TMEM132D: variants seen among roughly 807,000 people sequenced by gnomAD.
TMEM132D encodes transmembrane protein 132D.
Under a neutral mutation model 62.3 loss-of-function variants are expected in TMEM132D, and 21 were observed. The ratio of observed to expected loss-of-function variants is 0.34; its 90% CI spans 0.24 to 0.49. The LOEUF (loss-of-function observed/expected upper bound fraction) is 0.49. Ranked by LOEUF, TMEM132D falls within the 20% of genes least tolerant of loss-of-function variation. TMEM132D has a pLI of 0.99. For synonymous variants in TMEM132D, 621 were observed against 575.6 expected (o/e 1.08, Z -1.13); for missense variants, 1,346 against 1,402.8 (o/e 0.96, Z 0.65).
At position 129,228,671 on chromosome 12, in the gene TMEM132D, C is replaced by T. The variant is rs112600601; in HGVS notation, c.1300-19008G>A. Among the ~76,000 whole-genome samples the T allele has an allele frequency of 7.3e-4, 111 of 152,266 alleles. 1 individual carries two copies. Among genetic ancestry groups the T allele is most frequent in the African/African-American group, 2.6e-3 (107 of 41,556 alleles). On this transcript the variant is annotated intron_variant, in intron 4 of 8. Coordinates refer to ENST00000422113, the MANE Select transcript of TMEM132D (RefSeq NM_133448.3). ...TACTGTGATGCCATCATGGTTCATC[C>T]ATGCTGTAGCACGGGTCAGTGTTTC...
Position 129,073,449 on chromosome 12 carries a change from T to TGATCCATGGATGC in TMEM132D, c.*413_*425dup, listed in dbSNP as rs142279858. On this transcript the variant is annotated 3_prime_UTR_variant, in exon 9 of 9. Transcript: ENST00000422113. ...GTTTCGATGACACGCTTCCTCCCAT[T>TGATCCATGGATGC]GATCCATGGATGCGATCCATGGATG... 24,480 of 155,138 alleles carry TGATCCATGGATGC rather than the reference T, an allele frequency of 0.16. 2,101 individuals carry two copies. Among genetic ancestry groups the TGATCCATGGATGC allele is most frequent in the East Asian group, 0.21 (1,078 of 5,166 alleles). 9.6% of individuals were successfully genotyped at this position (155,138 alleles called of 1,614,324 possible).
rs116172937 is a variant in TMEM132D at position 129,234,348 on chromosome 12, T to C, written c.1300-24685A>G. Among the ~76,000 whole-genome samples the C allele has an allele frequency of 9.5e-3, 1,454 of 152,314 alleles. 13 individuals are homozygous for C. The highest frequency in any genetic ancestry group is 0.029 in the African/African-American group (1,215 of 41,566). Reference sequence around the variant, plus strand: ...CTGTCTTGTAATAAAATTCTTAGAATTGACGTGCAAGTAAAGGATTCCAAT... The same window carrying C: ...CTGTCTTGTAATAAAATTCTTAGAACTGACGTGCAAGTAAAGGATTCCAAT... On this transcript the variant is annotated intron_variant, in intron 4 of 8. Transcript: ENST00000422113.
At chr12:129,826,293 C>G (rs1034221386) in intron 1 of TMEM132D, among the ~76,000 whole-genome samples, 1 of 152,150 alleles carries the variant, frequency 6.6e-6, no homozygotes, top group African/African-American at 2.4e-5. Flanking sequence ...GAGCTGAGCA[C>G]ACAGCGTGGG....
intron 1 of TMEM132D, among the ~76,000 whole-genome samples, chr12:129,710,365 G>A (rs753633653): frequency 2.0e-5 from 3 of 151,806 alleles, no homozygotes; most frequent in East Asian, 1.9e-4. Context: ...GTGCAATCTC[G>A]GCTCACTGCA....
intron 1 of TMEM132D, among the ~76,000 whole-genome samples, chr12:129,798,439 G>A (rs1871629549): frequency 6.6e-6 from 1 of 152,038 alleles, no homozygotes; most frequent in Non-Finnish European, 1.5e-5. Flanking sequence ...GAAGCGCTAA[G>A]CTAATGTAGT....
intron 1 of TMEM132D, among the ~76,000 whole-genome samples, chr12:129,795,766 T>C (rs1327457195): frequency 1.3e-5 from 2 of 152,234 alleles, no homozygotes; most frequent in Non-Finnish European, 2.9e-5. Context: ...TTTCTTAATA[T>C]GACATCATTC....
At chr12:129,632,622 A>G (rs1879377686) in intron 2 of TMEM132D, among the ~76,000 whole-genome samples, 1 of 152,152 alleles carries the variant, frequency 6.6e-6, no homozygotes. Flanking sequence ...GCACTTTGCC[A>G]GTCCCTCCCT....
At chr12:129,267,435 T>C (rs1486315036) in intron 4 of TMEM132D, among the ~76,000 whole-genome samples, 1 of 152,126 alleles carries the variant, frequency 6.6e-6, no homozygotes, top group Non-Finnish European at 1.5e-5. Context: ...CCATTCACAA[T>C]TGCTTCAAAG....
intron 1 of TMEM132D, among the ~76,000 whole-genome samples, chr12:129,899,304 C>CATGCATGG (rs1875260616): frequency 8.0e-6 from 1 of 125,204 alleles, no homozygotes; most frequent in Non-Finnish European, 1.6e-5. Context: ...TGGATGCATG[C>CATGCATGG]ATGGATGGAT....
At chr12:129,713,247 GC>G (rs1868445708) in intron 1 of TMEM132D, among the ~76,000 whole-genome samples, 1 of 152,108 alleles carries the variant, frequency 6.6e-6, no homozygotes, top group African/African-American at 2.4e-5. Context: ...TCTGATATGT[GC>G]TCAAGTGTGA....
intron 2 of TMEM132D, among the ~76,000 whole-genome samples, chr12:129,667,326 A>AC (rs1346078394): frequency 6.6e-6 from 1 of 152,140 alleles, no homozygotes; most frequent in Admixed American, 6.6e-5. Flanking sequence ...TTTGAAGACA[A>AC]TTTTTCTATA....
At chr12:129,123,086 C>T (rs1382133095) in intron 5 of TMEM132D, among the ~76,000 whole-genome samples, 1 of 152,054 alleles carries the variant, frequency 6.6e-6, no homozygotes, top group Non-Finnish European at 1.5e-5. Flanking sequence ...AGGAACTTTT[C>T]TAAACTATCA....
chr12:129,330,271 A>G (rs1321859220), intron 4 of TMEM132D, among the ~76,000 whole-genome samples: 1 of 152,218 alleles, frequency 6.6e-6, no homozygotes, highest in Non-Finnish European at 1.5e-5. Context: ...ATGAGAAAAC[A>G]GCATCTGAGT....
At chr12:129,099,089 A>G (rs1875206913) in intron 5 of TMEM132D, among the ~76,000 whole-genome samples, 1 of 152,156 alleles carries the variant, frequency 6.6e-6, no homozygotes, top group Non-Finnish European at 1.5e-5. Context: ...GTCACAAAGC[A>G]TTTCCTGCTG....
chr12:129,348,714 G>GTAAAA (rs543227090), intron 3 of TMEM132D, among the ~76,000 whole-genome samples: 6 of 152,142 alleles, frequency 3.9e-5, no homozygotes, highest in African/African-American at 7.2e-5. Flanking sequence ...AGAACTTAAA[G>GTAAAA]TAAAATAAAA....
chr12:129,207,125 A>C (rs1311946085), intron 5 of TMEM132D, among the ~76,000 whole-genome samples: 2 of 152,170 alleles, frequency 1.3e-5, no homozygotes. Flanking sequence ...AAAACACACA[A>C]AAAGAAAAAA....
intron 4 of TMEM132D, among the ~76,000 whole-genome samples, chr12:129,221,116 G>T (rs188223612): frequency 6.6e-6 from 1 of 152,194 alleles, no homozygotes; most frequent in East Asian, 1.9e-4. Context: ...CCACTAAAAT[G>T]TACGGGTCAA....
At chr12:129,267,176 T>C (rs1880719803) in intron 4 of TMEM132D, among the ~76,000 whole-genome samples, 1 of 152,152 alleles carries the variant, frequency 6.6e-6, no homozygotes, top group Non-Finnish European at 1.5e-5. Flanking sequence ...AGGGTTTTTT[T>C]TCTTTTTCTT....
intron 3 of TMEM132D, among the ~76,000 whole-genome samples, chr12:129,510,717 TAAGA>T (rs1439851647): frequency 3.9e-5 from 6 of 152,172 alleles, no homozygotes; most frequent in African/African-American, 1.2e-4. Context: ...TACAATTGTT[TAAGA>T]AATAGTCTTC....
Sources: gnomAD v4.1 joint callset for allele counts (sites outside exome capture counted in the v4.1 genomes callset) on GRCh38, gnomAD v4.1.1 for gene constraint, MANE v1.5 for transcripts, NCBI Gene and HGNC (gene_info 2026-07-23, HGNC 2026-07-21) for gene names.